The following ZNF609 variants were observed in gnomAD, a reference collection of about 807,000 sequenced individuals.
The protein encoded by ZNF609 is zinc finger protein 609.
A neutral mutation model predicts 109.5 loss-of-function variants in ZNF609; 11 were observed. That is an observed-to-expected ratio of 0.10 (90% CI 0.06 to 0.17). The LOEUF is 0.17. Among genes scored for constraint, ZNF609 ranks in the 10% least tolerant of loss-of-function variants. The pLI is 1.00. For synonymous variants in ZNF609, 646 were observed against 662.0 expected, an observed-to-expected ratio of 0.98 and a Z score of 0.37; for missense variants, 1,559 against 1,772.4, an observed-to-expected ratio of 0.88 and a Z score of 2.16.
intron 2 of ZNF609, among the ~76,000 whole-genome samples, chr15:64,590,202 A>G (rs1895269449): frequency 6.6e-6 from 1 of 152,156 alleles, no homozygotes; most frequent in Admixed American, 6.6e-5. Flanking sequence ...AAGGATTTAA[A>G]TTGTGCTCAG....
intron 1 of ZNF609, among the ~76,000 whole-genome samples, chr15:64,487,108 A>G (rs1348333952): frequency 2.0e-5 from 3 of 152,122 alleles, no homozygotes; most frequent in East Asian, 1.9e-4. Context: ...TAATATCATT[A>G]CTTAATTTTT....
At chr15:64,546,789 CTTT>C (rs1206513622) in intron 2 of ZNF609, among the ~76,000 whole-genome samples, 4 of 122,536 alleles carry the variant, frequency 3.3e-5, no homozygotes, top group African/African-American at 6.9e-5. Flanking sequence ...TTTCATGTTT[CTTT>C]TTTTTTTTTT....
In ZNF609 at chr15:64,670,440, A is replaced by C. The variant is rs761088796; in HGVS notation, c.1061+7A>C. 3 of 1,610,968 alleles carry C rather than the reference A, an allele frequency of 1.9e-6. No individual in the cohort carries two copies. In the African/African-American group the frequency reaches 4.0e-5, roughly 22 times the overall value. On this transcript the variant is annotated splice_region_variant and intron_variant, in intron 4 of 9. Transcript: ENST00000326648. ...ATGATTGGGCACCCCCAAGGTAAGC[A>C]CTTACAGCTATTTAGTTTATATTAT...
Position 64,678,366 on chromosome 15 carries a change from T to A in ZNF609, c.3653T>A (p.Leu1218His), listed in dbSNP as rs765404425. ...GTCCATGTGCCTGTGTCCTCCCCAC[T>A]TACCCAGCACCAGTCCTACATCCCC... ...PSVHVPVSSP[L>H]TQHQSYIPYM... The change falls in exon 6 of 10, where the codon CTT (leucine) becomes CAT (histidine). Residue 1218 changes from leucine to histidine, a missense_variant. By Grantham distance (99) the Leu-to-His change is moderately conservative. Transcript: ENST00000326648. 1 of 1,614,056 alleles carries A rather than the reference T, an allele frequency of 6.2e-7. No individual in the cohort carries two copies. The highest frequency in any genetic ancestry group is 1.1e-5 in the South Asian group (1 of 91,080).
intron 3 of ZNF609, among the ~76,000 whole-genome samples, chr15:64,639,545 C>T (rs1427435718): frequency 6.6e-6 from 1 of 152,198 alleles, no homozygotes; most frequent in East Asian, 1.9e-4. Context: ...TCCCTCTTTG[C>T]ATATCTGTGT....
intron 2 of ZNF609, among the ~76,000 whole-genome samples, chr15:64,563,370 G>T (rs1354337215): frequency 6.8e-6 from 1 of 145,990 alleles, no homozygotes; most frequent in Non-Finnish European, 1.5e-5. Flanking sequence ...AGGATTGATG[G>T]AACCCAGCAA....
At chr15:64,529,433 G>A in intron 2 of ZNF609, 1 of 834,260 alleles carries the variant, frequency 1.2e-6, no homozygotes, top group Non-Finnish European at 2.0e-6. Flanking sequence ...AGGGATCTTG[G>A]TCCTGGAAAA....
chr15:64,530,122 C>T (rs1894038399), intron 2 of ZNF609, among the ~76,000 whole-genome samples: 1 of 151,992 alleles, frequency 6.6e-6, no homozygotes. Flanking sequence ...TCAAGTGATT[C>T]TCCCATCTCA....
At chr15:64,481,052 T>A (rs1050461330) in intron 1 of ZNF609, among the ~76,000 whole-genome samples, 2 of 152,220 alleles carry the variant, frequency 1.3e-5, no homozygotes, top group African/African-American at 4.8e-5. Flanking sequence ...TATACCGTGA[T>A]TAAGTTCAGC....
intron 3 of ZNF609, among the ~76,000 whole-genome samples, chr15:64,643,138 T>A (rs374511916): frequency 6.6e-6 from 1 of 152,194 alleles, no homozygotes; most frequent in Non-Finnish European, 1.5e-5. Context: ...CATTCTCCCA[T>A]CTGAGGCTTC....
intron 2 of ZNF609, among the ~76,000 whole-genome samples, chr15:64,536,016 T>A (rs1243719999): frequency 6.6e-6 from 1 of 152,098 alleles, no homozygotes; most frequent in Non-Finnish European, 1.5e-5. Context: ...GAATAAAGAC[T>A]CACCATTTTC....
At chr15:64,504,926 T>C (rs1465965906) in intron 2 of ZNF609, among the ~76,000 whole-genome samples, 1 of 152,162 alleles carries the variant, frequency 6.6e-6, no homozygotes, top group East Asian at 1.9e-4. Context: ...CGCAAGTAGC[T>C]GGGACTACAA....
chr15:64,682,670 C>T lies in ZNF609; in HGVS notation c.*984C>T, dbSNP rs757778864. The T allele has an allele frequency of 2.6e-4, 39 of 152,620 alleles. No individual in the cohort carries two copies. The highest frequency in any genetic ancestry group is 7.3e-5 in the Non-Finnish European group (5 of 68,064). The allele number at this position is 152,620 out of a possible 1,614,324, so 9.5% of individuals were successfully genotyped here. On this transcript the variant is annotated 3_prime_UTR_variant, in exon 10 of 10. Transcript: ENST00000326648. ...CCCCCAGCTTGGGGAACCTTGGAGT[C>T]TGCCAGGTCACCTTAGGGCAAGGCC...
At chr15:64,671,301 A>C (rs1296526865) in intron 4 of ZNF609, 1 of 152,120 alleles carries the variant, frequency 6.6e-6, no homozygotes, top group African/African-American at 2.4e-5. Flanking sequence ...AATTGGACCA[A>C]TACAGAGAAG....
chr15:64,617,671 T>C (rs1452739495), intron 2 of ZNF609, among the ~76,000 whole-genome samples: 1 of 152,018 alleles, frequency 6.6e-6, no homozygotes, highest in East Asian at 1.9e-4. Flanking sequence ...TCCCAGCTAC[T>C]TGGGAGGCTG....
chr15:64,679,315 G>A (rs558020562), intron 6 of ZNF609, among the ~76,000 whole-genome samples: 2 of 152,156 alleles, frequency 1.3e-5, no homozygotes, highest in Admixed American at 6.5e-5. Flanking sequence ...CAGGTGATCC[G>A]GCTGCCTTGG....
At chr15:64,464,899 G>A (rs982058617) in intron 1 of ZNF609, among the ~76,000 whole-genome samples, 7 of 152,190 alleles carry the variant, frequency 4.6e-5, no homozygotes, top group South Asian at 2.1e-4. Context: ...GTCTTCCGTG[G>A]GTTAGATTCA....
chr15:64,645,008 TCTTCCTTCCTTCCTTCCTTC>T (rs1170783769), intron 3 of ZNF609, among the ~76,000 whole-genome samples: 4 of 140,150 alleles, frequency 2.9e-5, no homozygotes, highest in South Asian at 4.5e-4. Flanking sequence ...TTTCTTTCTT[TCTTCCTTCCTTCCTTCCTTC>T]CTTTCTTCCT....
intron 2 of ZNF609, among the ~76,000 whole-genome samples, chr15:64,510,777 T>C (rs896521057): frequency 1.3e-5 from 2 of 152,134 alleles, no homozygotes; most frequent in African/African-American, 4.8e-5. Flanking sequence ...GATGTGACAA[T>C]TTGACTGTGC....
Sources: gnomAD v4.1 joint callset for allele counts (sites outside exome capture counted in the v4.1 genomes callset) on GRCh38, gnomAD v4.1.1 for gene constraint, MANE v1.5 for transcripts, NCBI Gene and HGNC (gene_info 2026-07-23, HGNC 2026-07-21) for gene names.